The following SAMD3 variants were observed in gnomAD, a reference collection of about 807,000 sequenced individuals.
SAMD3 encodes sterile alpha motif domain-containing protein 3.
In SAMD3, 63 loss-of-function variants were observed where a neutral mutation model predicts 58.5. The observed-to-expected ratio is 1.08, with a 90% confidence interval of 0.88 to 1.33. The LOEUF (loss-of-function observed/expected upper bound fraction) is 1.33, where lower values mean the gene tolerates loss of function less well. Ranked by LOEUF, SAMD3 falls within the 40% of genes most tolerant of loss-of-function variation. The probability of loss-of-function intolerance (pLI) is 0.00; values close to 1 mark genes in which losing one functional copy is unlikely to be tolerated. For synonymous variants in SAMD3, 220 were observed against 210.3 expected, an observed-to-expected ratio of 1.05 and a Z score of -0.40; for missense variants, 604 against 608.4, an observed-to-expected ratio of 0.99 and a Z score of 0.08.
chr6:130,176,521 A>T (rs1014991017), intron 7 of SAMD3, among the ~76,000 whole-genome samples: 2 of 152,232 alleles, frequency 1.3e-5, no homozygotes, highest in Non-Finnish European at 2.9e-5. Context: ...AAACAAAAAG[A>T]CCAACTCCCC....
intron 2 of SAMD3, among the ~76,000 whole-genome samples, chr6:130,299,787 T>C (rs1775685243): frequency 6.6e-6 from 1 of 152,140 alleles, no homozygotes; most frequent in Non-Finnish European, 1.5e-5. Flanking sequence ...GCATTACAAC[T>C]GATACCACAA....
chr6:130,310,176 T>C (rs565914939), intron 2 of SAMD3, among the ~76,000 whole-genome samples: 1 of 152,324 alleles, frequency 6.6e-6, no homozygotes, highest in Middle Eastern at 3.4e-3. Context: ...TGAAACAGAA[T>C]CCGTTTCAAC....
intron 2 of SAMD3, among the ~76,000 whole-genome samples, chr6:130,243,376 C>G (rs927894981): frequency 3.9e-5 from 6 of 152,254 alleles, no homozygotes; most frequent in Admixed American, 6.5e-5. Context: ...CTACCTCTAC[C>G]TCTACCTCCC....
chr6:130,181,667 C>A (rs1223971208), intron 7 of SAMD3, among the ~76,000 whole-genome samples: 3 of 152,054 alleles, frequency 2.0e-5, no homozygotes, highest in African/African-American at 7.2e-5. Flanking sequence ...TATGGATTTG[C>A]TTAGGTATAT....
chr6:130,271,908 A>G (rs1774577495), intron 2 of SAMD3, among the ~76,000 whole-genome samples: 1 of 152,218 alleles, frequency 6.6e-6, no homozygotes, highest in Non-Finnish European at 1.5e-5. Flanking sequence ...TCATGAGAAC[A>G]GCATGGGAAA....
At chr6:130,338,697 C>A (rs1777175857) in intron 1 of SAMD3, among the ~76,000 whole-genome samples, 1 of 152,226 alleles carries the variant, frequency 6.6e-6, no homozygotes, top group African/African-American at 2.4e-5. Flanking sequence ...GATTTAATGA[C>A]TGCCCTGCTG....
chr6:130,350,838 A>G (rs150982730), intron 1 of SAMD3, among the ~76,000 whole-genome samples: 2,799 of 152,298 alleles, frequency 0.018, 26 homozygotes, highest in Non-Finnish European at 0.027. Context: ...CTACAAGGCT[A>G]CAGTAACCAA....
At chr6:130,277,073 A>G (rs1293280522) in intron 2 of SAMD3, among the ~76,000 whole-genome samples, 1 of 152,156 alleles carries the variant, frequency 6.6e-6, no homozygotes, top group Non-Finnish European at 1.5e-5. Flanking sequence ...AAAGACAAAA[A>G]TCTTGTGACT....
chr6:130,214,101 T>C (rs1307249738), intron 4 of SAMD3, among the ~76,000 whole-genome samples: 1 of 152,204 alleles, frequency 6.6e-6, no homozygotes, highest in Admixed American at 6.5e-5. Context: ...TAGAAACTCC[T>C]TGCTAATAGG....
At chr6:130,280,529 CCTCTCCTCTGAA>C (rs1469072224) in intron 2 of SAMD3, among the ~76,000 whole-genome samples, 1 of 152,132 alleles carries the variant, frequency 6.6e-6, no homozygotes, top group Non-Finnish European at 1.5e-5. Flanking sequence ...CTATGTCTAG[CCTCTCCTCTGAA>C]CTCTCTTCTA....
At chr6:130,265,766 A>T (rs1479727056) in intron 2 of SAMD3, among the ~76,000 whole-genome samples, 2 of 134,854 alleles carry the variant, frequency 1.5e-5, no homozygotes, top group East Asian at 5.1e-4. Context: ...TGTTAGCCAA[A>T]ACAGAAAAAA....
chr6:130,145,989 C>G (rs1449499596), intron 10 of SAMD3, 21 bp downstream of exon 10: 1 of 1,362,626 alleles, frequency 7.3e-7, no homozygotes, highest in African/African-American at 1.5e-5. Flanking sequence ...GAAATCACAC[C>G]ACTCCATAAG....
intron 2 of SAMD3, among the ~76,000 whole-genome samples, chr6:130,271,613 G>A (rs531813890): frequency 1.5e-4 from 23 of 152,166 alleles, no homozygotes; most frequent in African/African-American, 3.6e-4. Context: ...TGTTATTTGC[G>A]TTTGACTTTC....
At chr6:130,269,436 T>C (rs1374869833) in intron 2 of SAMD3, among the ~76,000 whole-genome samples, 1 of 152,208 alleles carries the variant, frequency 6.6e-6, no homozygotes, top group Admixed American at 6.5e-5. Context: ...CTTGGTTTTA[T>C]TTCAGGAGTT....
At chr6:130,278,090 G>C (rs963134163) in intron 2 of SAMD3, among the ~76,000 whole-genome samples, 5 of 152,268 alleles carry the variant, frequency 3.3e-5, no homozygotes, top group South Asian at 2.1e-4. Context: ...TATAACCTAA[G>C]AGCAGTGCTT....
intron 1 of SAMD3, among the ~76,000 whole-genome samples, chr6:130,315,547 T>C (rs1463088963): frequency 6.6e-6 from 1 of 152,156 alleles, no homozygotes; most frequent in Non-Finnish European, 1.5e-5. Flanking sequence ...CTTTATAAGC[T>C]ATATGTACTA....
intron 2 of SAMD3, among the ~76,000 whole-genome samples, chr6:130,248,969 C>A (rs1242865323): frequency 3.9e-5 from 6 of 152,292 alleles, no homozygotes; most frequent in Admixed American, 6.5e-5. Context: ...TCTCACCGAG[C>A]GTCTGGTATG....
intron 5 of SAMD3, among the ~76,000 whole-genome samples, chr6:130,194,364 T>C (rs1158684736): frequency 4.6e-5 from 7 of 152,350 alleles, no homozygotes; most frequent in Non-Finnish European, 1.0e-4. Flanking sequence ...TTATTCTCAA[T>C]ATACATTTTA....
intron 2 of SAMD3, among the ~76,000 whole-genome samples, chr6:130,266,066 A>C (rs1335906917): frequency 6.6e-6 from 1 of 152,006 alleles, no homozygotes; most frequent in Non-Finnish European, 1.5e-5. Context: ...GTAATAACCA[A>C]CCCCCTTAAT....
Sources: allele counts gnomAD v4.1 joint callset (sites outside exome capture counted in the v4.1 genomes callset), GRCh38; gene constraint gnomAD v4.1.1; transcripts MANE v1.5; gene names NCBI Gene and HGNC (gene_info 2026-07-23, HGNC 2026-07-21).